CELF4: variants seen among roughly 807,000 people sequenced by gnomAD.
The protein encoded by CELF4 is CUGBP Elav-like family member 4, also known as CUG-BP- and ETR-3-like factor 4.
CELF4 carries 18 observed loss-of-function variants against 59.9 expected under a neutral mutation model. The ratio of observed to expected loss-of-function variants is 0.30; its 90% confidence interval spans 0.21 to 0.45. The LOEUF is 0.45. Ranked by LOEUF, CELF4 falls within the 20% of genes least tolerant of loss-of-function variation. CELF4 has a pLI of 1.00. For missense variants in CELF4, 456 were observed against 689.0 expected, an observed-to-expected ratio of 0.66 and a Z score of 3.79; for synonymous variants, 261 against 267.1, an observed-to-expected ratio of 0.98 and a Z score of 0.22.
intron 2 of CELF4, among the ~76,000 whole-genome samples, chr18:37,421,533 C>G (rs1181008035): frequency 7.0e-6 from 1 of 142,836 alleles, no homozygotes; most frequent in African/African-American, 2.5e-5. Context: ...TAACGGCCAC[C>G]CCTGTCCTTG....
intron 3 of CELF4, among the ~76,000 whole-genome samples, chr18:37,278,768 G>T (rs2093728585): frequency 6.6e-6 from 1 of 152,176 alleles, no homozygotes; most frequent in African/African-American, 2.4e-5. Flanking sequence ...GAGAGGAGAA[G>T]TCAGAGGAGC....
intron 2 of CELF4, among the ~76,000 whole-genome samples, chr18:37,414,247 C>CT (rs2099505992): frequency 6.8e-6 from 1 of 147,312 alleles, no homozygotes; most frequent in African/African-American, 2.5e-5. Context: ...TCTATCTATC[C>CT]ATCCATTCAT....
At chr18:37,394,070 G>A (rs942295722) in intron 2 of CELF4, among the ~76,000 whole-genome samples, 3 of 152,160 alleles carry the variant, frequency 2.0e-5, no homozygotes, top group African/African-American at 7.2e-5. Flanking sequence ...GTTCCTCTGG[G>A]CGGCGCTGGG....
chr18:37,527,057 C>T lies in CELF4; in HGVS notation c.286+38299G>A, dbSNP rs116757231. Among the ~76,000 whole-genome samples, 1,255 of 152,138 alleles carry T rather than the reference C, an allele frequency of 8.2e-3. 16 individuals are homozygous for T. The highest frequency in any genetic ancestry group is 0.029 in the African/African-American group (1,188 of 41,518). ...TTTACGTAAGCCCCAAATAACATAACATCAATTTAGCAGAACCCTCAACCT... is the reference window on the plus strand; with the variant it reads ...TTTACGTAAGCCCCAAATAACATAATATCAATTTAGCAGAACCCTCAACCT... On this transcript the variant is annotated intron_variant, in intron 1 of 12. Coordinates refer to ENST00000420428, the MANE Select transcript of CELF4 (RefSeq NM_020180.4).
At chr18:37,355,247 G>A (rs1390725261) in intron 2 of CELF4, among the ~76,000 whole-genome samples, 1 of 152,202 alleles carries the variant, frequency 6.6e-6, no homozygotes. Context: ...ATCTGTGAGT[G>A]TGTGCACATG....
At chr18:37,486,485 G>A (rs2099881653) in intron 1 of CELF4, among the ~76,000 whole-genome samples, 1 of 152,224 alleles carries the variant, frequency 6.6e-6, no homozygotes, top group African/African-American at 2.4e-5. Flanking sequence ...GTGGTGACAA[G>A]GCCAAGAGAG....
intron 3 of CELF4, among the ~76,000 whole-genome samples, chr18:37,317,826 C>T (rs2096920972): frequency 6.6e-6 from 1 of 152,214 alleles, no homozygotes; most frequent in African/African-American, 2.4e-5. Flanking sequence ...TGCACACAGA[C>T]CTGCCAACTC....
intron 2 of CELF4, among the ~76,000 whole-genome samples, chr18:37,411,314 G>A (rs1316424095): frequency 3.3e-5 from 5 of 152,132 alleles, no homozygotes; most frequent in Middle Eastern, 3.2e-3. Context: ...CAGAAGTCTC[G>A]AAGAGAGGGA....
chr18:37,270,736 A>C (rs764809849), intron 8 of CELF4, 32 bp downstream of exon 8: 22 of 1,612,996 alleles, frequency 1.4e-5, no homozygotes, highest in South Asian at 3.3e-5. Context: ...AATGTGCTGC[A>C]TACGGAAATA....
At chr18:37,279,357 CT>C (rs3834729) in intron 3 of CELF4, among the ~76,000 whole-genome samples, 22,755 of 152,182 alleles carry the variant, frequency 0.15, 1,927 homozygotes, top group Middle Eastern at 0.2. Context: ...TGGTGAGCAA[CT>C]GGAGGCTGGC....
chr18:37,558,247 T>C (rs1197221871), intron 1 of CELF4, among the ~76,000 whole-genome samples: 1 of 152,052 alleles, frequency 6.6e-6, no homozygotes, highest in Non-Finnish European at 1.5e-5. Flanking sequence ...TTTGTTCCTG[T>C]GGGTAGGGCT....
At chr18:37,362,524 A>G (rs554684091) in intron 2 of CELF4, among the ~76,000 whole-genome samples, 1 of 152,206 alleles carries the variant, frequency 6.6e-6, no homozygotes, top group East Asian at 1.9e-4. Flanking sequence ...GGGTGTGGTC[A>G]GAGAGCACAG....
intron 2 of CELF4, among the ~76,000 whole-genome samples, chr18:37,428,312 C>T (rs747929302): frequency 1.3e-5 from 2 of 151,036 alleles, no homozygotes; most frequent in Admixed American, 1.3e-4. Context: ...AAGGAGGGGG[C>T]GGTGTGGAAC....
chr18:37,397,797 G>A lies in CELF4; in HGVS notation c.370-75916C>T, dbSNP rs535447278. Among the ~76,000 whole-genome samples, 63 of 152,326 alleles carry A rather than the reference G, an allele frequency of 4.1e-4. No individual in the cohort carries two copies. The South Asian group carries it at 6.4e-3, about 16-fold the overall frequency. On this transcript the variant is annotated intron_variant, in intron 2 of 12. Transcript: ENST00000420428. ...AGTCCAGTCTCAGCTGGGGTAGAGT[G>A]GAGCTGGGGCTCGAACCCAAATCTC...
chr18:37,452,410 A>G (rs774452433), intron 2 of CELF4, among the ~76,000 whole-genome samples: 1 of 152,048 alleles, frequency 6.6e-6, no homozygotes, highest in Non-Finnish European at 1.5e-5. Context: ...AGGAACCCCA[A>G]GGTGGACCCA....
chr18:37,507,707 T>C (rs2099939671), intron 1 of CELF4, among the ~76,000 whole-genome samples: 1 of 152,236 alleles, frequency 6.6e-6, no homozygotes, highest in Non-Finnish European at 1.5e-5. Flanking sequence ...GCTTGTCCCC[T>C]ACTTCACTGT....
At chr18:37,278,939 T>C (rs1169389293) in intron 3 of CELF4, among the ~76,000 whole-genome samples, 1 of 152,204 alleles carries the variant, frequency 6.6e-6, no homozygotes, top group Admixed American at 6.5e-5. Flanking sequence ...CTGCATCACA[T>C]AACCAACGGT....
At chr18:37,448,852 A>G (rs1298205067) in intron 2 of CELF4, among the ~76,000 whole-genome samples, 1 of 152,146 alleles carries the variant, frequency 6.6e-6, no homozygotes, top group South Asian at 2.1e-4. Flanking sequence ...CTCCCATGGC[A>G]TGGCCCAGCA....
intron 2 of CELF4, among the ~76,000 whole-genome samples, chr18:37,462,840 A>G (rs1312268452): frequency 6.6e-6 from 1 of 150,392 alleles, no homozygotes; most frequent in East Asian, 2.0e-4. Flanking sequence ...AGCTATCATT[A>G]GTGTTAGTGT....
Sources: allele counts gnomAD v4.1 joint callset (sites outside exome capture counted in the v4.1 genomes callset), GRCh38; gene constraint gnomAD v4.1.1; transcripts MANE v1.5; gene names NCBI Gene and HGNC (gene_info 2026-07-23, HGNC 2026-07-21).